Variants in C12orf60 observed in about 807,000 individuals in gnomAD.
The protein encoded by C12orf60 is uncharacterized protein C12orf60.
For missense variants in C12orf60, 284 were observed against 283.2 expected, an observed-to-expected ratio of 1.00 and a Z score of -0.02; for synonymous variants, 102 against 94.6, an observed-to-expected ratio of 1.08 and a Z score of -0.45.
At chr12:14,811,019 T>G (rs2137264071) in intron 1 of C12orf60, among the ~76,000 whole-genome samples, 1 of 152,320 alleles carries the variant, frequency 6.6e-6, no homozygotes. Context: ...CCATTTTCAT[T>G]GATGACCTGT....
At chr12:14,809,039 G>A (rs17761801) in intron 1 of C12orf60, among the ~76,000 whole-genome samples, 23,748 of 152,136 alleles carry the variant, frequency 0.16, 2,162 homozygotes, top group Non-Finnish European at 0.2. Flanking sequence ...TTATTATGAA[G>A]TGAAAACTCT....
intron 1 of C12orf60, among the ~76,000 whole-genome samples, chr12:14,811,306 T>C (rs1275809753): frequency 1.3e-5 from 2 of 152,316 alleles, no homozygotes; most frequent in Middle Eastern, 3.4e-3. Flanking sequence ...GTGGAGCTCT[T>C]GGTCTCTGGG....
chr12:14,822,915 T>C lies in C12orf60; in HGVS notation c.-21T>C, dbSNP rs755086628. The C allele has an allele frequency of 6.5e-7, 1 of 1,544,934 alleles. No homozygotes were observed. The highest frequency in any genetic ancestry group is 8.7e-7 in the Non-Finnish European group (1 of 1,147,084). ...GGATTACTGCTTTGCTTTGCAGTGT[T>C]GGAACTTATTTGTTGGAGAAATGTC... On this transcript the variant is annotated 5_prime_UTR_variant, in exon 2 of 2. Transcript: ENST00000330828.
intron 1 of C12orf60, chr12:14,806,593 A>T: frequency 6.2e-7 from 1 of 1,614,194 alleles, no homozygotes; most frequent in African/African-American, 1.3e-5. Flanking sequence ...AAGCTGTCAG[A>T]TAAGCAATCA....
At chr12:14,807,344 T>A (rs1196650346) in intron 1 of C12orf60, among the ~76,000 whole-genome samples, 1 of 152,186 alleles carries the variant, frequency 6.6e-6, no homozygotes, top group Non-Finnish European at 1.5e-5. Flanking sequence ...AGACCCCAAT[T>A]TGAAATGCTT....
rs1383513032 is a variant in C12orf60 at position 14,803,771 on chromosome 12, A to G, written c.-25+20A>G. The G allele has an allele frequency of 8.9e-6, 3 of 337,686 alleles. No homozygotes were observed. Among genetic ancestry groups the G allele is most frequent in the African/African-American group, 2.1e-5 (1 of 47,336 alleles). 20.9% of individuals were successfully genotyped at this position (337,686 alleles called of 1,614,324 possible). ...AGCCTGGTACGTTGAGCCGTCCGAGAACGGTACATTCTGCAGATAAAGAAG... is the reference window on the plus strand; with the variant it reads ...AGCCTGGTACGTTGAGCCGTCCGAGGACGGTACATTCTGCAGATAAAGAAG... On this transcript the variant is annotated intron_variant, in intron 1 of 1. Transcript: ENST00000330828.
intron 1 of C12orf60, among the ~76,000 whole-genome samples, chr12:14,817,120 A>G (rs1404842803): frequency 6.6e-6 from 1 of 152,168 alleles, no homozygotes; most frequent in Non-Finnish European, 1.5e-5. Flanking sequence ...GGTGTCATAC[A>G]TATCAAAGGA....
intron 1 of C12orf60, among the ~76,000 whole-genome samples, chr12:14,821,192 G>A (rs1388851854): frequency 6.6e-6 from 1 of 152,062 alleles, no homozygotes; most frequent in Non-Finnish European, 1.5e-5. Flanking sequence ...AGTAATATAA[G>A]TAGTTACTTA....
intron 1 of C12orf60, among the ~76,000 whole-genome samples, chr12:14,807,685 A>G (rs1393553319): frequency 6.6e-6 from 1 of 152,206 alleles, no homozygotes; most frequent in Admixed American, 6.5e-5. Context: ...TTGGATTAAA[A>G]TTTCATGTGG....
intron 1 of C12orf60, among the ~76,000 whole-genome samples, chr12:14,813,208 G>A (rs1461863886): frequency 6.6e-6 from 1 of 152,174 alleles, no homozygotes; most frequent in Non-Finnish European, 1.5e-5. Flanking sequence ...ACGTGACCCT[G>A]TCTAAACCTC....
Position 14,823,620 on chromosome 12 carries a change from A to G in C12orf60, c.685A>G (p.Ile229Val). ...GPILEILQKA[I>V]KTMEMNISVF... Reference sequence around the variant, plus strand: ...AATCTTAGAGATCCTCCAAAAAGCGATAAAGACTATGGAAATGAATATTTC... The same window carrying G: ...AATCTTAGAGATCCTCCAAAAAGCGGTAAAGACTATGGAAATGAATATTTC... The change falls in exon 2 of 2, where the codon ATA (isoleucine) becomes GTA (valine). Residue 229 changes from isoleucine (I) to valine (V), a missense_variant. Ile to Val is a conservative substitution (Grantham distance 29). Coordinates refer to ENST00000330828, the MANE Select transcript of C12orf60 (RefSeq NM_175874.4). 1 of 1,603,210 alleles carries G rather than the reference A, an allele frequency of 6.2e-7. No homozygotes were observed. The highest frequency in any genetic ancestry group is 8.5e-7 in the Non-Finnish European group (1 of 1,176,862).
In C12orf60 at chr12:14,823,216, T is replaced by G. The variant is rs1465401008; in HGVS notation, c.281T>G (p.Met94Arg). 6.2e-7 allele frequency: 1 copy of G among 1,614,152 alleles called. No individual in the cohort carries two copies. The highest frequency in any genetic ancestry group is 1.1e-5 in the South Asian group (1 of 91,082). Residue 94 changes from methionine (M) to arginine (R), a missense_variant, in exon 2 of 2, where the codon ATG (methionine) becomes AGG (arginine). By Grantham distance (91) the Met-to-Arg change is moderately conservative. Transcript: ENST00000330828. Reference protein sequence around the residue: ...ESLCSKVAMAMCSVVQKSTNV... With the variant: ...ESLCSKVAMARCSVVQKSTNV... The stretch of plus-strand genomic sequence containing the variant: ...TTATGTTCCAAGGTTGCAATGGCCA[T>G]GTGCTCTGTGGTTCAGAAGAGTACC...
At chr12:14,813,464 A>G (rs946793797) in intron 1 of C12orf60, among the ~76,000 whole-genome samples, 1 of 152,238 alleles carries the variant, frequency 6.6e-6, no homozygotes, top group Admixed American at 6.5e-5. Flanking sequence ...TGATGTGATG[A>G]TATACTTTCT....
chr12:14,816,746 C>CTT lies in C12orf60; in HGVS notation c.-24-6151_-24-6150dup, dbSNP rs11430871. Among the ~76,000 whole-genome samples, 128 of 138,004 alleles carry CTT rather than the reference C, an allele frequency of 9.3e-4. 1 individual carries two copies. Among genetic ancestry groups the CTT allele is most frequent in the East Asian group, 1.5e-3 (7 of 4,826 alleles). 90.5% of individuals were successfully genotyped at this position (138,004 alleles called of 152,430 possible). On this transcript the variant is annotated intron_variant, in intron 1 of 1. Coordinates refer to ENST00000330828, the MANE Select transcript of C12orf60 (RefSeq NM_175874.4). ...TGCTGATCAGGTCTTTATATTTTCT[C>CTT]TTTTTTTTTTTTTTTTGAGACAGAG...
chr12:14,821,737 T>C (rs974314276), intron 1 of C12orf60, among the ~76,000 whole-genome samples: 6 of 152,032 alleles, frequency 3.9e-5, no homozygotes, highest in Non-Finnish European at 4.4e-5. Context: ...GCTGTTTGAT[T>C]CCCGGGGGTC....
intron 1 of C12orf60, among the ~76,000 whole-genome samples, chr12:14,820,711 A>G (rs1950293605): frequency 6.6e-6 from 1 of 152,050 alleles, no homozygotes; most frequent in Non-Finnish European, 1.5e-5. Flanking sequence ...TATATGAAAA[A>G]AACTGCTGGA....
At chr12:14,821,157 G>A (rs1950299102) in intron 1 of C12orf60, among the ~76,000 whole-genome samples, 1 of 151,886 alleles carries the variant, frequency 6.6e-6, no homozygotes, top group African/African-American at 2.4e-5. Context: ...AAATTTCTCT[G>A]TTTTCCTTTT....
At chr12:14,807,774 T>C (rs1950076205) in intron 1 of C12orf60, among the ~76,000 whole-genome samples, 1 of 152,170 alleles carries the variant, frequency 6.6e-6, no homozygotes, top group Admixed American at 6.5e-5. Context: ...AGCTTATAAA[T>C]TAAATTATTT....
intron 1 of C12orf60, chr12:14,806,457 T>C (rs2241221): frequency 0.15 from 241,921 of 1,614,060 alleles, 19,817 homozygotes; most frequent in African/African-American, 0.26. Context: ...CTTTTGGATT[T>C]TCATAATGGC....
Sources: gnomAD v4.1 joint callset for allele counts (sites outside exome capture counted in the v4.1 genomes callset) on GRCh38, gnomAD v4.1.1 for gene constraint, MANE v1.5 for transcripts, NCBI Gene and HGNC (gene_info 2026-07-23, HGNC 2026-07-21) for gene names.